ANKS1B: variants seen among roughly 807,000 people sequenced by gnomAD.
The protein encoded by ANKS1B is ankyrin repeat and sterile alpha motif domain containing 1B, also known as ankyrin repeat and sterile alpha motif domain-containing protein 1B.
In ANKS1B, 36 loss-of-function variants were observed where a neutral mutation model predicts 148.3. The ratio of observed to expected loss-of-function variants is 0.24; its 90% CI spans 0.19 to 0.32. The LOEUF (loss-of-function observed/expected upper bound fraction) is 0.32, where lower values mean the gene tolerates loss of function less well. Among genes scored for constraint, ANKS1B ranks in the 10% least tolerant of loss-of-function variants. The pLI, the probability that ANKS1B is intolerant of heterozygous loss-of-function variation, is 1.00. For synonymous variants in ANKS1B, 542 were observed against 560.8 expected (o/e 0.97, Z 0.47); for missense variants, 1,157 against 1,542.6 (o/e 0.75, Z 4.19).
chr12:99,525,812 C>T (rs2096921317), intron 9 of ANKS1B, among the ~76,000 whole-genome samples: 1 of 151,808 alleles, frequency 6.6e-6, no homozygotes, highest in Admixed American at 6.6e-5. Context: ...CAAGGTTGTA[C>T]AGAAAAAGAT....
intron 1 of ANKS1B, among the ~76,000 whole-genome samples, chr12:99,974,013 C>T (rs1056561530): frequency 2.0e-5 from 3 of 152,170 alleles, no homozygotes; most frequent in Non-Finnish European, 4.4e-5. Context: ...TCCCATGCTA[C>T]GGAAACATCT....
intron 10 of ANKS1B, among the ~76,000 whole-genome samples, chr12:99,498,346 T>C (rs1340416724): frequency 6.6e-6 from 1 of 152,196 alleles, no homozygotes; most frequent in Non-Finnish European, 1.5e-5. Context: ...CCTAGTATCA[T>C]TCTATGCTCT....
At chr12:99,566,958 CA>C (rs1215083253) in intron 9 of ANKS1B, among the ~76,000 whole-genome samples, 2 of 152,128 alleles carry the variant, frequency 1.3e-5, no homozygotes, top group Non-Finnish European at 2.9e-5. Flanking sequence ...CTCTTGGTAC[CA>C]AAATATGCAT....
intron 1 of ANKS1B, among the ~76,000 whole-genome samples, chr12:99,879,047 A>G (rs776263710): frequency 1.3e-5 from 2 of 152,290 alleles, no homozygotes; most frequent in South Asian, 2.1e-4. Flanking sequence ...TCTAAGAATG[A>G]GGTACTAGAA....
At chr12:99,282,908 G>A (rs1187274928) in intron 12 of ANKS1B, among the ~76,000 whole-genome samples, 2 of 152,088 alleles carry the variant, frequency 1.3e-5, no homozygotes, top group African/African-American at 2.4e-5. Context: ...CTCAGGTTAG[G>A]AATATAAACT....
At chr12:99,444,672 A>G (rs954349337) in intron 10 of ANKS1B, among the ~76,000 whole-genome samples, 9 of 151,978 alleles carry the variant, frequency 5.9e-5, no homozygotes, top group African/African-American at 2.2e-4. Context: ...GCAAACTTCA[A>G]TAGCTTTTTA....
At chr12:99,185,192 G>C (rs1405125080) in intron 14 of ANKS1B, among the ~76,000 whole-genome samples, 1 of 152,124 alleles carries the variant, frequency 6.6e-6, no homozygotes, top group Non-Finnish European at 1.5e-5. Flanking sequence ...TGATTCTTCA[G>C]AAGGATCCTA....
chr12:99,111,041 C>G (rs1304572270), intron 15 of ANKS1B, among the ~76,000 whole-genome samples: 1 of 152,216 alleles, frequency 6.6e-6, no homozygotes, highest in African/African-American at 2.4e-5. Flanking sequence ...TCTGCCCGCA[C>G]ATCTGTGCCC....
At chr12:99,938,097 C>T (rs910237348) in intron 1 of ANKS1B, among the ~76,000 whole-genome samples, 18 of 152,082 alleles carry the variant, frequency 1.2e-4, no homozygotes, top group Non-Finnish European at 2.4e-4. Flanking sequence ...AAAGGTGACA[C>T]GACAGATGGG....
At chr12:99,189,278 G>T (rs2080311636) in intron 14 of ANKS1B, among the ~76,000 whole-genome samples, 1 of 152,116 alleles carries the variant, frequency 6.6e-6, no homozygotes, top group Non-Finnish European at 1.5e-5. Flanking sequence ...AGAGGAGCTG[G>T]TACCATTCCT....
chr12:99,202,530 C>T (rs565031589), intron 14 of ANKS1B, among the ~76,000 whole-genome samples: 1 of 152,314 alleles, frequency 6.6e-6, no homozygotes, highest in South Asian at 2.1e-4. Flanking sequence ...GGAGGCATTC[C>T]ATTCTATACT....
At chr12:98,754,886 T>G (rs540043715) in intron 25 of ANKS1B, among the ~76,000 whole-genome samples, 1 of 152,242 alleles carries the variant, frequency 6.6e-6, no homozygotes, top group African/African-American at 2.4e-5. Flanking sequence ...CCTAATGGCT[T>G]CTTCTGGTTC....
intron 8 of ANKS1B, among the ~76,000 whole-genome samples, chr12:99,744,897 CAGG>C (rs1415879926): frequency 2.8e-5 from 4 of 142,350 alleles, no homozygotes; most frequent in Non-Finnish European, 4.5e-5. Flanking sequence ...GAGGCTGAGG[CAGG>C]AGAATTGCTT....
At chr12:99,420,892 T>G (rs141816764) in intron 11 of ANKS1B, among the ~76,000 whole-genome samples, 1 of 152,292 alleles carries the variant, frequency 6.6e-6, no homozygotes, top group African/African-American at 2.4e-5. Flanking sequence ...AAAAGTACCT[T>G]TATGTTTCTA....
At chr12:99,369,742 A>G (rs2092984550) in intron 12 of ANKS1B, among the ~76,000 whole-genome samples, 1 of 131,546 alleles carries the variant, frequency 7.6e-6, no homozygotes, top group Non-Finnish European at 1.6e-5. Flanking sequence ...AGATAAATGG[A>G]TAGAAAGATA....
At chr12:99,587,909 C>A (rs879485484) in intron 9 of ANKS1B, among the ~76,000 whole-genome samples, 1 of 151,890 alleles carries the variant, frequency 6.6e-6, no homozygotes, top group Admixed American at 6.6e-5. Context: ...TCCAATAGAG[C>A]AGTTAAGAGA....
chr12:99,384,209 C>G (rs1054036512), intron 12 of ANKS1B, among the ~76,000 whole-genome samples: 1 of 152,074 alleles, frequency 6.6e-6, no homozygotes, highest in African/African-American at 2.4e-5. Context: ...AATAAAAAAG[C>G]CTGGAATCCT....
intron 16 of ANKS1B, among the ~76,000 whole-genome samples, chr12:99,073,128 G>T (rs1352266069): frequency 6.6e-6 from 1 of 152,110 alleles, no homozygotes; most frequent in Non-Finnish European, 1.5e-5. Flanking sequence ...CATTTTATGT[G>T]CTTTACAAAT....
intron 8 of ANKS1B, among the ~76,000 whole-genome samples, chr12:99,717,897 C>CTG (rs2057551321): frequency 7.1e-6 from 1 of 141,446 alleles, no homozygotes; most frequent in Non-Finnish European, 1.5e-5. Flanking sequence ...TTAGACAATA[C>CTG]TCTTTTTTTT....
Sources: gnomAD v4.1 joint callset for allele counts (sites outside exome capture counted in the v4.1 genomes callset) on GRCh38, gnomAD v4.1.1 for gene constraint, MANE v1.5 for transcripts, NCBI Gene and HGNC (gene_info 2026-07-23, HGNC 2026-07-21) for gene names.